The following VKORC1L1 variants were observed in gnomAD, a reference collection of about 807,000 sequenced individuals.
VKORC1L1 encodes vitamin K epoxide reductase complex subunit 1L1.
A neutral mutation model predicts 18.9 loss-of-function variants in VKORC1L1; 2 were observed. The observed-to-expected ratio is 0.11, with a 90% CI of 0.04 to 0.33. The LOEUF is 0.33. Ranked by LOEUF, VKORC1L1 falls within the 10% of genes least tolerant of loss-of-function variation. The pLI is 1.00. For missense variants in VKORC1L1, 123 were observed against 224.1 expected (o/e 0.55, Z 2.88); for synonymous variants, 96 against 100.0 (o/e 0.96, Z 0.24).
At chr7:65,942,272 G>A (rs191652300) in intron 1 of VKORC1L1, among the ~76,000 whole-genome samples, 1 of 151,812 alleles carries the variant, frequency 6.6e-6, no homozygotes, top group Non-Finnish European at 1.5e-5. Context: ...CGGATCATGA[G>A]GTCAGGAGAT....
chr7:65,908,772 G>A (rs1314177852), intron 1 of VKORC1L1, among the ~76,000 whole-genome samples: 1 of 146,286 alleles, frequency 6.8e-6, no homozygotes, highest in East Asian at 2.1e-4. Flanking sequence ...CAGAAGCAGA[G>A]GTTGCAGTGA....
rs73370692 is a variant in VKORC1L1, at chr7:65,939,973, C to T, written c.195-8698C>T. Among the ~76,000 whole-genome samples the T allele has an allele frequency of 1.6e-3, 244 of 152,062 alleles. 1 individual carries two copies. Among genetic ancestry groups the T allele is most frequent in the African/African-American group, 5.5e-3 (229 of 41,494 alleles). On this transcript the variant is annotated intron_variant, in intron 1 of 2. Coordinates refer to ENST00000360768, the MANE Select transcript of VKORC1L1 (RefSeq NM_173517.6). The stretch of plus-strand genomic sequence containing the variant: ...GCCAAATGTAATAGTCTGATCATGA[C>T]GCTAAAGAAATGTGTCTTTAAAACA...
At chr7:65,876,067 G>T (rs1210945744) in intron 1 of VKORC1L1, among the ~76,000 whole-genome samples, 1 of 152,054 alleles carries the variant, frequency 6.6e-6, no homozygotes, top group Non-Finnish European at 1.5e-5. Flanking sequence ...GAAAGTTCCA[G>T]ATTTTATATT....
chr7:65,923,181 C>T (rs1789706212), intron 1 of VKORC1L1, among the ~76,000 whole-genome samples: 2 of 152,054 alleles, frequency 1.3e-5, no homozygotes, highest in African/African-American at 4.8e-5. Context: ...GCAGGTGAAT[C>T]GCTTGAGCCC....
At chr7:65,938,136 A>C (rs1473441587) in intron 1 of VKORC1L1, among the ~76,000 whole-genome samples, 1 of 152,142 alleles carries the variant, frequency 6.6e-6, no homozygotes, top group Non-Finnish European at 1.5e-5. Context: ...TGAACCCAGG[A>C]GGCGGAGGTT....
intron 1 of VKORC1L1, among the ~76,000 whole-genome samples, chr7:65,874,114 T>C (rs530758538): frequency 6.6e-6 from 1 of 152,156 alleles, no homozygotes; most frequent in Non-Finnish European, 1.5e-5. Flanking sequence ...GGCCTCTTTG[T>C]ACTCCAGCGC....
At position 65,954,087 on chromosome 7, in the gene VKORC1L1, C is replaced by T. The variant is rs765237784; in HGVS notation, c.318C>T (p.Ser106=). 6.9e-6 allele frequency: 11 copies of T among 1,598,862 alleles called. No homozygotes were observed. The highest frequency in any genetic ancestry group is 1.7e-4 in the Middle Eastern group (1 of 6,018). Residue 106 remains serine (S), a synonymous_variant, in exon 3 of 3, where the codon AGC becomes AGT. Transcript: ENST00000360768. ...CTTCTCTTACAGGCATGACAGCAAGCGCTGTGGCGGCTTTGATCCTCATGA... is the reference window on the plus strand; with the variant it reads ...CTTCTCTTACAGGCATGACAGCAAGTGCTGTGGCGGCTTTGATCCTCATGA... ...ILQLLLGMTA[S]AVAALILMTS...
At chr7:65,895,473 AAAAAAAAATATATATAT>A (rs1458499233) in intron 1 of VKORC1L1, among the ~76,000 whole-genome samples, 2 of 48,754 alleles carry the variant, frequency 4.1e-5, no homozygotes, top group African/African-American at 2.0e-4. Flanking sequence ...AAAAAAAAAA[AAAAAAAAATATATATAT>A]ATATATATAT....
At chr7:65,933,171 C>T (rs1409553575) in intron 1 of VKORC1L1, among the ~76,000 whole-genome samples, 1 of 151,608 alleles carries the variant, frequency 6.6e-6, no homozygotes, top group Non-Finnish European at 1.5e-5. Flanking sequence ...TCTCTTCAGA[C>T]CTGTATCCTT....
chr7:65,920,166 T>C (rs144278195), intron 1 of VKORC1L1, among the ~76,000 whole-genome samples: 1 of 152,272 alleles, frequency 6.6e-6, no homozygotes, highest in African/African-American at 2.4e-5. Flanking sequence ...ACCACCCGAC[T>C]TCAAATTTTG....
intron 1 of VKORC1L1, among the ~76,000 whole-genome samples, chr7:65,932,848 G>A (rs1002637634): frequency 1.3e-5 from 2 of 152,174 alleles, no homozygotes; most frequent in African/African-American, 2.4e-5. Flanking sequence ...GGGAGGCCAA[G>A]GCGGGTGGAT....
intron 1 of VKORC1L1, among the ~76,000 whole-genome samples, chr7:65,913,015 C>T (rs563401680): frequency 2.6e-5 from 4 of 152,184 alleles, no homozygotes; most frequent in South Asian, 4.2e-4. Context: ...AATCTGTCTG[C>T]GTTACTGGCA....
intron 1 of VKORC1L1, among the ~76,000 whole-genome samples, chr7:65,943,751 T>A (rs753558474): frequency 3.9e-5 from 6 of 151,978 alleles, no homozygotes; most frequent in African/African-American, 9.7e-5. Flanking sequence ...GTCGAGATTG[T>A]GCCATTGCAC....
intron 2 of VKORC1L1, among the ~76,000 whole-genome samples, chr7:65,951,574 G>GA (rs60415673): frequency 1.0e-3 from 145 of 145,656 alleles, no homozygotes; most frequent in African/African-American, 2.3e-3. Context: ...ACTCCTTCAG[G>GA]AAAAAAAAAA....
intron 1 of VKORC1L1, among the ~76,000 whole-genome samples, chr7:65,919,676 C>T (rs1176344959): frequency 6.6e-6 from 1 of 152,208 alleles, no homozygotes; most frequent in African/African-American, 2.4e-5. Context: ...CTGCTGGGAT[C>T]ATTGCAGTAG....
At chr7:65,922,564 G>A (rs558477360) in intron 1 of VKORC1L1, among the ~76,000 whole-genome samples, 3 of 152,298 alleles carry the variant, frequency 2.0e-5, no homozygotes, top group Non-Finnish European at 2.9e-5. Flanking sequence ...GATTACAGGC[G>A]TGAGCCACTG....
chr7:65,952,502 G>A (rs1003625375), intron 2 of VKORC1L1, among the ~76,000 whole-genome samples: 7 of 152,078 alleles, frequency 4.6e-5, no homozygotes, highest in African/African-American at 1.2e-4. Flanking sequence ...TGCGGCAGCC[G>A]GCCCACAGGC....
rs1790315790 is a variant in VKORC1L1 at position 65,957,477 on chromosome 7, C to G, written c.*3177C>G. 1 of 65,868 alleles carries G rather than the reference C, an allele frequency of 1.5e-5. No homozygotes were observed. Among genetic ancestry groups the G allele is most frequent in the Non-Finnish European group, 4.3e-5 (1 of 23,154 alleles). The allele number at this position is 65,868 out of a possible 1,614,324, so 4.1% of individuals were successfully genotyped here. A position where few individuals can be genotyped will look rare whatever the true frequency, so the allele number is the denominator to read the frequency against. On this transcript the variant is annotated 3_prime_UTR_variant, in exon 3 of 3. Transcript: ENST00000360768. The stretch of plus-strand genomic sequence containing the variant: ...GCCTGGCCAACAGAGCGAGACTGTC[C>G]CCCCCCCAAAAAAAAAAGAGAGAGA...
intron 1 of VKORC1L1, among the ~76,000 whole-genome samples, chr7:65,885,997 A>G (rs1482303973): frequency 6.6e-6 from 1 of 152,226 alleles, no homozygotes; most frequent in Non-Finnish European, 1.5e-5. Context: ...CAAGGAGCAT[A>G]TCGTATCTGT....
Sources: allele counts gnomAD v4.1 joint callset (sites outside exome capture counted in the v4.1 genomes callset), GRCh38; gene constraint gnomAD v4.1.1; transcripts MANE v1.5; gene names NCBI Gene and HGNC (gene_info 2026-07-23, HGNC 2026-07-21).